The following CYTH1 variants were observed in gnomAD, a reference collection of about 807,000 sequenced individuals.
CYTH1 encodes cytohesin 1.
Under a neutral mutation model 61.8 loss-of-function variants are expected in CYTH1, and 18 were observed. That is an observed-to-expected ratio of 0.29 (90% CI 0.20 to 0.43). The LOEUF (loss-of-function observed/expected upper bound fraction) is 0.43. Among genes scored for constraint, CYTH1 ranks in the 20% least tolerant of loss-of-function variants. CYTH1 has a pLI of 1.00. For missense variants in CYTH1, 336 were observed against 510.5 expected (o/e 0.66, Z 3.29); for synonymous variants, 174 against 184.3 (o/e 0.94, Z 0.45).
At chr17:78,779,924 C>T (rs1314003041) in intron 1 of CYTH1, among the ~76,000 whole-genome samples, 2 of 152,220 alleles carry the variant, frequency 1.3e-5, no homozygotes, top group African/African-American at 2.4e-5. Flanking sequence ...ACTAACACGC[C>T]CTGCTTCCAC....
intron 1 of CYTH1, among the ~76,000 whole-genome samples, chr17:78,737,602 C>CAAA (rs34735933): frequency 3.8e-5 from 4 of 104,970 alleles, no homozygotes; most frequent in African/African-American, 1.0e-4. Context: ...ATATTAGAGG[C>CAAA]AAAAAAAAAA....
At chr17:78,757,976 C>T (rs1452854433) in intron 1 of CYTH1, among the ~76,000 whole-genome samples, 1 of 151,946 alleles carries the variant, frequency 6.6e-6, no homozygotes, top group African/African-American at 2.4e-5. Context: ...GATAAATTAA[C>T]AAGTATCATC....
Position 78,701,000 on chromosome 17 carries a change from AG to A in CYTH1, c.438-558del, listed in dbSNP as rs1441243283. On this transcript the variant is annotated intron_variant, in intron 6 of 13. Transcript: ENST00000446868. This position sits in a 1 kb window ranked among gnomAD's most constrained non-coding sequence, Gnocchi z 5.1. ...ATTAGGAGGGAAACAATCCCTACTGAGGAGTGGTTTCCCTCCTCAGAATAAT... is the reference window on the plus strand; with the variant it reads ...ATTAGGAGGGAAACAATCCCTACTGAGAGTGGTTTCCCTCCTCAGAATAAT... Among the ~76,000 whole-genome samples, 1 of 152,246 alleles carries A rather than the reference AG, an allele frequency of 6.6e-6. No individual in the cohort carries two copies.
chr17:78,683,734 T>C (rs2092787577), intron 11 of CYTH1, among the ~76,000 whole-genome samples: 1 of 152,200 alleles, frequency 6.6e-6, no homozygotes, highest in Admixed American at 6.5e-5. Flanking sequence ...GCCTGGGTGG[T>C]GGGGACAGGC....
intron 1 of CYTH1, among the ~76,000 whole-genome samples, chr17:78,712,677 TATAAAAA>T (rs1203131308): frequency 3.3e-5 from 5 of 151,508 alleles, no homozygotes; most frequent in Non-Finnish European, 7.4e-5. Flanking sequence ...ATAATAATAA[TATAAAAA>T]ATAAAAAATA....
intron 1 of CYTH1, among the ~76,000 whole-genome samples, chr17:78,726,787 G>A (rs929704725): frequency 6.6e-6 from 1 of 152,092 alleles, no homozygotes; most frequent in Non-Finnish European, 1.5e-5. Context: ...AGCAAGAAGC[G>A]GCAGCCAGGC....
At chr17:78,683,160 G>A (rs562849456) in intron 11 of CYTH1, among the ~76,000 whole-genome samples, 1 of 151,946 alleles carries the variant, frequency 6.6e-6, no homozygotes, top group East Asian at 1.9e-4. Context: ...TTTGTTCCGT[G>A]GCTTCATACA....
chr17:78,674,180 A>T lies in CYTH1; in HGVS notation c.*1911T>A, dbSNP rs374602913. 6.5e-6 allele frequency: 1 copy of T among 152,698 alleles called. No homozygotes were observed. The highest frequency in any genetic ancestry group is 1.9e-4 in the East Asian group (1 of 5,204). 9.5% of individuals were successfully genotyped at this position (152,698 alleles called of 1,614,324 possible). A position where few individuals can be genotyped will look rare whatever the true frequency, so the allele number is the denominator to read the frequency against. The stretch of plus-strand genomic sequence containing the variant: ...GTCAACAACTTTCAGTCATTTCTTT[A>T]TATTTTTGTATTTTGACAAAACTTC... On this transcript the variant is annotated 3_prime_UTR_variant, in exon 14 of 14. Coordinates refer to ENST00000446868, the MANE Select transcript of CYTH1 (RefSeq NM_004762.6).
At chr17:78,758,530 C>T (rs1035351185) in intron 1 of CYTH1, among the ~76,000 whole-genome samples, 1 of 152,120 alleles carries the variant, frequency 6.6e-6, no homozygotes. Context: ...CATGGAGAAA[C>T]CCCGTCTCTA....
intron 1 of CYTH1, among the ~76,000 whole-genome samples, chr17:78,737,638 A>G (rs1318651512): frequency 1.3e-5 from 2 of 152,050 alleles, no homozygotes; most frequent in African/African-American, 4.8e-5. Flanking sequence ...CAAACTCCCA[A>G]TCTAAGTTCA....
chr17:78,710,988 C>T (rs2093123106), intron 1 of CYTH1, among the ~76,000 whole-genome samples: 2 of 152,134 alleles, frequency 1.3e-5, no homozygotes, highest in South Asian at 4.1e-4. Context: ...CGAGGCCGGG[C>T]ACAGTGGCTC....
At chr17:78,712,215 GAA>G (rs1316939468) in intron 1 of CYTH1, among the ~76,000 whole-genome samples, 1 of 151,474 alleles carries the variant, frequency 6.6e-6, no homozygotes, top group Non-Finnish European at 1.5e-5. Context: ...GAAAGAGAAA[GAA>G]AAAGAGAAAG....
chr17:78,744,857 A>AG (rs1325142548), intron 1 of CYTH1, among the ~76,000 whole-genome samples: 3 of 151,950 alleles, frequency 2.0e-5, no homozygotes, highest in Non-Finnish European at 4.4e-5. Context: ...AAAAAAAAAA[A>AG]AAAAAGAAAA....
At chr17:78,707,626 A>G (rs1342994535) in intron 3 of CYTH1, among the ~76,000 whole-genome samples, 1 of 152,174 alleles carries the variant, frequency 6.6e-6, no homozygotes, top group East Asian at 1.9e-4. Flanking sequence ...AGTAATTCAC[A>G]TAAAAATTTA....
chr17:78,682,065 C>G (rs145030285), intron 11 of CYTH1, among the ~76,000 whole-genome samples: 1 of 151,348 alleles, frequency 6.6e-6, no homozygotes, highest in Non-Finnish European at 1.5e-5. Flanking sequence ...TCCTCTTACC[C>G]GGGCATATTC....
chr17:78,700,124 C>T lies in CYTH1; in HGVS notation c.550+207G>A, dbSNP rs778250466. The stretch of plus-strand genomic sequence containing the variant: ...CATGGTTTTTAATAGCTGTGTATTT[C>T]GTAGTTCAGAGGTACCACAATTTAA... On this transcript the variant is annotated intron_variant, in intron 7 of 13. Transcript: ENST00000446868. The surrounding 1 kb of genome is among the most constrained non-coding windows in gnomAD (Gnocchi z 5.1). Among the ~76,000 whole-genome samples, 1 of 152,146 alleles carries T rather than the reference C, an allele frequency of 6.6e-6. No homozygotes were observed. Among genetic ancestry groups the T allele is most frequent in the Admixed American group, 6.5e-5 (1 of 15,280 alleles).
At chr17:78,729,049 C>T (rs907266102) in intron 1 of CYTH1, among the ~76,000 whole-genome samples, 8 of 152,134 alleles carry the variant, frequency 5.3e-5, no homozygotes, top group Non-Finnish European at 1.0e-4. Context: ...AAAAGGTAAA[C>T]AACTAGGACA....
At position 78,744,355 on chromosome 17, in the gene CYTH1, T is replaced by C. The variant is rs556581792; in HGVS notation, c.23-34623A>G. ...TTTCTGGAATTTGGGGGTAAATCATTTTGCTTCCTGGTATCCTCTCTCTGC... is the reference window on the plus strand; with the variant it reads ...TTTCTGGAATTTGGGGGTAAATCATCTTGCTTCCTGGTATCCTCTCTCTGC... On this transcript the variant is annotated intron_variant, in intron 1 of 13. Transcript: ENST00000446868. Among the ~76,000 whole-genome samples the C allele has an allele frequency of 3.2e-4, 48 of 152,208 alleles. No homozygotes were observed. In the South Asian group the frequency reaches 8.7e-3, roughly 28 times the overall value.
intron 1 of CYTH1, among the ~76,000 whole-genome samples, chr17:78,722,426 C>A (rs924264235): frequency 6.6e-6 from 1 of 152,196 alleles, no homozygotes; most frequent in Non-Finnish European, 1.5e-5. Context: ...TGCTCCTTCA[C>A]TCCCAGGGAA....
Sources: gnomAD v4.1 joint callset for allele counts (sites outside exome capture counted in the v4.1 genomes callset) on GRCh38, gnomAD v4.1.1 for gene constraint, Gnocchi (gnomAD v3.1) non-coding constraint, MANE v1.5 for transcripts, NCBI Gene and HGNC (gene_info 2026-07-23, HGNC 2026-07-21) for gene names.